AKAP6: variants seen among roughly 807,000 people sequenced by gnomAD.
The protein encoded by AKAP6 is A-kinase anchor protein 6.
AKAP6 carries 58 observed loss-of-function variants against 188.5 expected under a neutral mutation model. The observed-to-expected ratio is 0.31, with a 90% confidence interval of 0.25 to 0.38. The LOEUF (loss-of-function observed/expected upper bound fraction) is 0.38, where lower values mean the gene tolerates loss of function less well. Among genes scored for constraint, AKAP6 ranks in the 10% least tolerant of loss-of-function variants. The pLI is 1.00. For missense variants in AKAP6, 2,710 were observed against 2,740.0 expected (o/e 0.99, Z 0.24); for synonymous variants, 989 against 998.6 (o/e 0.99, Z 0.18).
intron 11 of AKAP6, among the ~76,000 whole-genome samples, chr14:32,756,780 T>C (rs7159774): frequency 0.26 from 40,035 of 151,974 alleles, 8,475 homozygotes; most frequent in African/African-American, 0.58. Flanking sequence ...GGGTTTTGAC[T>C]GTGAGTCCAT....
intron 2 of AKAP6, among the ~76,000 whole-genome samples, chr14:32,488,086 C>G (rs1429673828): frequency 6.6e-6 from 1 of 152,182 alleles, no homozygotes; most frequent in Non-Finnish European, 1.5e-5. Flanking sequence ...CTCTTCATAG[C>G]TGGCAGGCAG....
At chr14:32,828,527 TCTCACACACACACACACA>T (rs1158947265) in intron 13 of AKAP6, among the ~76,000 whole-genome samples, 55 of 76,658 alleles carry the variant, frequency 7.2e-4, no homozygotes, top group Middle Eastern at 5.4e-3. Flanking sequence ...TCTCTCTCTC[TCTCACACACACACACACA>T]CACACACACA....
intron 4 of AKAP6, among the ~76,000 whole-genome samples, chr14:32,569,535 T>C (rs767321932): frequency 1.8e-4 from 27 of 152,202 alleles, no homozygotes; most frequent in Admixed American, 7.9e-4. Flanking sequence ...CCCTGGGCCT[T>C]GGTGGCACAT....
At chr14:32,677,123 G>A (rs1889463953) in intron 7 of AKAP6, among the ~76,000 whole-genome samples, 1 of 152,222 alleles carries the variant, frequency 6.6e-6, no homozygotes, top group Admixed American at 6.5e-5. Context: ...ACCGCACCCG[G>A]CCTGCAAGAC....
chr14:32,564,890 T>C (rs1054081642), intron 4 of AKAP6, among the ~76,000 whole-genome samples: 3 of 152,224 alleles, frequency 2.0e-5, no homozygotes, highest in Non-Finnish European at 4.4e-5. Flanking sequence ...TGTTGGCTCT[T>C]TATCTTTCTA....
chr14:32,354,716 C>T (rs1285449613), intron 1 of AKAP6, among the ~76,000 whole-genome samples: 1 of 152,168 alleles, frequency 6.6e-6, no homozygotes, highest in East Asian at 1.9e-4. Flanking sequence ...GAGTGGGATT[C>T]TCTGCCTTAC....
chr14:32,700,042 A>G (rs1890560585), intron 9 of AKAP6, among the ~76,000 whole-genome samples: 1 of 152,188 alleles, frequency 6.6e-6, no homozygotes, highest in South Asian at 2.1e-4. Context: ...CAAAGGTGGC[A>G]TTATTCTTGG....
At chr14:32,810,377 C>A (rs1213230965) in intron 12 of AKAP6, among the ~76,000 whole-genome samples, 1 of 151,978 alleles carries the variant, frequency 6.6e-6, no homozygotes, top group Non-Finnish European at 1.5e-5. Context: ...AAGGTCCTGA[C>A]ATTTAAAACT....
chr14:32,449,072 C>A (rs1328160886), intron 2 of AKAP6, among the ~76,000 whole-genome samples: 3 of 152,186 alleles, frequency 2.0e-5, no homozygotes, highest in Non-Finnish European at 4.4e-5. Context: ...GAGAGATCAT[C>A]ACCCTGACAA....
chr14:32,761,509 C>T (rs2032536127), intron 11 of AKAP6, among the ~76,000 whole-genome samples: 1 of 152,062 alleles, frequency 6.6e-6, no homozygotes, highest in South Asian at 2.1e-4. Flanking sequence ...GAATAGCCAA[C>T]TACGTATGGA....
At chr14:32,429,925 G>T (rs1292918961) in intron 1 of AKAP6, among the ~76,000 whole-genome samples, 2 of 152,020 alleles carry the variant, frequency 1.3e-5, no homozygotes, top group Non-Finnish European at 2.9e-5. Flanking sequence ...TTTTATTCTG[G>T]TTTGTCTTCT....
intron 7 of AKAP6, among the ~76,000 whole-genome samples, chr14:32,623,393 A>G (rs1023494072): frequency 2.6e-5 from 4 of 152,158 alleles, no homozygotes; most frequent in African/African-American, 9.6e-5. Context: ...TATTTGAAAC[A>G]TGACAATTGG....
intron 2 of AKAP6, among the ~76,000 whole-genome samples, chr14:32,447,276 C>T (rs1339753200): frequency 6.6e-6 from 1 of 152,160 alleles, no homozygotes; most frequent in Non-Finnish European, 1.5e-5. Flanking sequence ...TCAAACAAAG[C>T]TAAGAGCTTT....
Position 32,823,259 on chromosome 14 carries a change from A to G in AKAP6, c.5446A>G (p.Lys1816Glu). 2 of 1,613,818 alleles carry G rather than the reference A, an allele frequency of 1.2e-6. No individual in the cohort carries two copies. The highest frequency in any genetic ancestry group is 2.2e-5 in the East Asian group (1 of 44,860). Residue 1816 changes from lysine (K) to glutamate (E), a missense_variant, in exon 13 of 14, where the codon AAG (lysine) becomes GAG (glutamate). By Grantham distance (56) the Lys-to-Glu change is moderately conservative. Coordinates refer to ENST00000280979, the MANE Select transcript of AKAP6 (RefSeq NM_004274.5). ...GCCAAAATTGTCTTTGACAAGAGAT[A>G]AGAAAAGGTGCAATGTCAGTGATGA... is the stretch of plus-strand genomic sequence containing the variant. Reference protein sequence around the residue: ...IRPKLSLTRDKKRCNVSDEMK... With the variant: ...IRPKLSLTRDEKRCNVSDEMK...
At chr14:32,477,703 A>G (rs1162463436) in intron 2 of AKAP6, among the ~76,000 whole-genome samples, 1 of 152,190 alleles carries the variant, frequency 6.6e-6, no homozygotes. Context: ...CTTTTCAGTA[A>G]TGAAGCATTT....
At chr14:32,545,184 T>A in intron 3 of AKAP6, 46 bp from the exon 4 acceptor site, 1 of 1,543,040 alleles carries the variant, frequency 6.5e-7, no homozygotes, top group Non-Finnish European at 8.9e-7. Flanking sequence ...GCTGATGTTG[T>A]AATTGATGTT....
At chr14:32,693,041 A>G (rs1449785144) in intron 8 of AKAP6, among the ~76,000 whole-genome samples, 1 of 152,206 alleles carries the variant, frequency 6.6e-6, no homozygotes, top group African/African-American at 2.4e-5. Flanking sequence ...CTTTTCTCCA[A>G]GATGACATCT....
chr14:32,395,858 ATGTGTC>A (rs1331136153), intron 1 of AKAP6, among the ~76,000 whole-genome samples: 2 of 152,066 alleles, frequency 1.3e-5, no homozygotes, highest in African/African-American at 2.4e-5. Context: ...CCATTTGTTC[ATGTGTC>A]TGTCCCTACT....
chr14:32,461,198 A>G (rs1891311282), intron 2 of AKAP6, among the ~76,000 whole-genome samples: 1 of 152,028 alleles, frequency 6.6e-6, no homozygotes, highest in African/African-American at 2.4e-5. Flanking sequence ...GACAAGAGGG[A>G]TTCTCCCAGC....
Sources: allele counts gnomAD v4.1 joint callset (sites outside exome capture counted in the v4.1 genomes callset), GRCh38; gene constraint gnomAD v4.1.1; transcripts MANE v1.5; gene names NCBI Gene and HGNC (gene_info 2026-07-23, HGNC 2026-07-21).